The following ZFR variants were observed in gnomAD, a reference collection of about 807,000 sequenced individuals.
The protein encoded by ZFR is zinc finger RNA-binding protein.
A neutral mutation model predicts 130.7 loss-of-function variants in ZFR; 19 were observed. That is an observed-to-expected ratio of 0.15 (90% CI 0.10 to 0.21). The LOEUF (loss-of-function observed/expected upper bound fraction) is 0.21. Among genes scored for constraint, ZFR ranks in the 10% least tolerant of loss-of-function variants. The pLI, the probability that ZFR is intolerant of heterozygous loss-of-function variation, is 1.00. For synonymous variants in ZFR, 466 were observed against 456.9 expected, an observed-to-expected ratio of 1.02 and a Z score of -0.25; for missense variants, 872 against 1,321.5, an observed-to-expected ratio of 0.66 and a Z score of 5.27.
intron 5 of ZFR, among the ~76,000 whole-genome samples, chr5:32,414,158 G>A (rs1753771465): frequency 6.6e-6 from 1 of 152,130 alleles, no homozygotes; most frequent in African/African-American, 2.4e-5. Context: ...TTTACCCCAT[G>A]TATCCTGTAT....
At chr5:32,362,545 T>C (rs58679840) in intron 19 of ZFR, among the ~76,000 whole-genome samples, 3,145 of 152,272 alleles carry the variant, frequency 0.021, 119 homozygotes, top group African/African-American at 0.072. Flanking sequence ...CTATGCAATT[T>C]TATCACACAT....
intron 5 of ZFR, 111 bp from the exon 6 acceptor site, chr5:32,407,132 G>C: frequency 1.0e-6 from 1 of 995,824 alleles, no homozygotes; most frequent in Non-Finnish European, 1.4e-6. Flanking sequence ...ATTTACATGT[G>C]CATATTTACA....
chr5:32,437,453 A>G (rs539664085), intron 2 of ZFR, among the ~76,000 whole-genome samples: 1 of 152,246 alleles, frequency 6.6e-6, no homozygotes, highest in Non-Finnish European at 1.5e-5. Context: ...TTATCTCTGT[A>G]TGAATAAAAG....
chr5:32,436,441 G>A (rs184880729), intron 2 of ZFR, among the ~76,000 whole-genome samples: 5 of 152,080 alleles, frequency 3.3e-5, no homozygotes, highest in South Asian at 2.1e-4. Context: ...GTGAGCCACC[G>A]TGCCTGGCCC....
intron 2 of ZFR, among the ~76,000 whole-genome samples, chr5:32,431,717 G>GT (rs1754221711): frequency 6.9e-6 from 1 of 144,884 alleles, no homozygotes; most frequent in African/African-American, 2.6e-5. Flanking sequence ...GGCATTTTAT[G>GT]TATCTACGAA....
At chr5:32,425,617 T>C (rs1288520299) in intron 2 of ZFR, among the ~76,000 whole-genome samples, 1 of 152,154 alleles carries the variant, frequency 6.6e-6, no homozygotes, top group Non-Finnish European at 1.5e-5. Flanking sequence ...AACCTCCGCC[T>C]CCTAGGTCAA....
intron 11 of ZFR, among the ~76,000 whole-genome samples, chr5:32,391,228 T>C (rs967692118): frequency 6.6e-6 from 1 of 152,226 alleles, no homozygotes; most frequent in Non-Finnish European, 1.5e-5. Flanking sequence ...AGCCTATTAG[T>C]TGCTTAGTAA....
chr5:32,370,366 A>ACAGG (rs1561864095), intron 17 of ZFR, among the ~76,000 whole-genome samples: 2 of 150,326 alleles, frequency 1.3e-5, no homozygotes, highest in Admixed American at 6.6e-5. Flanking sequence ...AGACAGACAG[A>ACAGG]CAGGCAGGCA....
intron 2 of ZFR, among the ~76,000 whole-genome samples, chr5:32,428,781 C>G (rs182776794): frequency 9.2e-5 from 14 of 152,178 alleles, no homozygotes; most frequent in African/African-American, 3.4e-4. Context: ...GAGGGAGGCC[C>G]CGATTCTGTT....
intron 2 of ZFR, among the ~76,000 whole-genome samples, chr5:32,437,511 G>A (rs1229875308): frequency 6.6e-6 from 1 of 152,136 alleles, no homozygotes; most frequent in African/African-American, 2.4e-5. Flanking sequence ...GATATACTCA[G>A]AACAATCACT....
intron 15 of ZFR, among the ~76,000 whole-genome samples, chr5:32,380,663 T>G (rs1752916337): frequency 2.7e-5 from 4 of 147,322 alleles, no homozygotes; most frequent in Admixed American, 2.7e-4. Context: ...TTTTTTTTTT[T>G]TTTTTTTTTG....
At chr5:32,377,034 G>A (rs1276824366) in intron 17 of ZFR, among the ~76,000 whole-genome samples, 1 of 149,378 alleles carries the variant, frequency 6.7e-6, no homozygotes, top group Non-Finnish European at 1.5e-5. Flanking sequence ...GCAGGCGCCT[G>A]TAGTCCCAGC....
chr5:32,377,320 C>T (rs537267824), intron 17 of ZFR, among the ~76,000 whole-genome samples: 28 of 151,152 alleles, frequency 1.9e-4, no homozygotes, highest in African/African-American at 6.8e-4. Context: ...GCAACCTCTG[C>T]CTCCCAGGTT....
Position 32,419,931 on chromosome 5 carries a change from C to T in ZFR, c.310G>A (p.Ala104Thr). 1.2e-6 allele frequency: 2 copies of T among 1,613,936 alleles called. No individual in the cohort carries two copies. Among genetic ancestry groups the T allele is most frequent in the Admixed American group, 3.3e-5 (2 of 59,986 alleles). The change falls in exon 3 of 20, where the codon GCT (alanine) becomes ACT (threonine). Residue 104 changes from alanine (A) to threonine (T), a missense_variant. Physicochemically the swap from Ala to Thr is moderately conservative, Grantham distance 58. Transcript: ENST00000265069. ...GCAGTGGGGTAGCCTCCATAAGCAGCAGCTGTTGCAGCAGCTGCAACAGCT... is the reference window on the plus strand; with the variant it reads ...GCAGTGGGGTAGCCTCCATAAGCAGTAGCTGTTGCAGCAGCTGCAACAGCT... Reference protein sequence around the residue: ...PVAVAAAATAAAYGGYPTAHT... With the variant: ...PVAVAAAATATAYGGYPTAHT...
Position 32,368,153 on chromosome 5 carries a change from T to C in ZFR, c.2836-3878A>G, listed in dbSNP as rs562248953. Among the ~76,000 whole-genome samples the C allele has an allele frequency of 2.0e-5, 3 of 152,324 alleles. No homozygotes were observed. In the East Asian group the frequency reaches 5.8e-4, roughly 29 times the overall value. ...AATAAAACAAAGCCACCTGATGAGA[T>C]TTCAGTAACACAGGCACTTTCACTG... is the stretch of plus-strand genomic sequence containing the variant. On this transcript the variant is annotated intron_variant, in intron 17 of 19. Transcript: ENST00000265069.
At chr5:32,402,491 C>T (rs973172286) in intron 8 of ZFR, among the ~76,000 whole-genome samples, 2 of 151,698 alleles carry the variant, frequency 1.3e-5, no homozygotes, top group African/African-American at 2.4e-5. Flanking sequence ...CAGGGCCATG[C>T]GTTGTGGTGC....
intron 4 of ZFR, among the ~76,000 whole-genome samples, chr5:32,415,485 A>AGCGTGT (rs1554073590): frequency 7.3e-6 from 1 of 136,238 alleles, no homozygotes; most frequent in African/African-American, 2.8e-5. Context: ...TCTGAAAAGG[A>AGCGTGT]GTGTGTGTGT....
At chr5:32,398,261 A>C (rs1368730103) in intron 9 of ZFR, among the ~76,000 whole-genome samples, 1 of 152,210 alleles carries the variant, frequency 6.6e-6, no homozygotes, top group South Asian at 2.1e-4. Context: ...CTGCTGGCCA[A>C]GTATTGTTCT....
In ZFR at chr5:32,380,733, C is replaced by T. The variant is rs575189602; in HGVS notation, c.2642-561G>A. Reference sequence around the variant, plus strand: ...GCACGATCTCAGATCACTGCAACCTCGGCCTCCTGGGTTCAAGCGATTCTC... The same window carrying T: ...GCACGATCTCAGATCACTGCAACCTTGGCCTCCTGGGTTCAAGCGATTCTC... On this transcript the variant is annotated intron_variant, in intron 15 of 19. Coordinates refer to ENST00000265069, the MANE Select transcript of ZFR (RefSeq NM_016107.5). Among the ~76,000 whole-genome samples, 17 of 146,954 alleles carry T rather than the reference C, an allele frequency of 1.2e-4. No homozygotes were observed. The South Asian group carries it at 3.0e-3, about 26-fold the overall frequency.
Sources: allele counts gnomAD v4.1 joint callset (sites outside exome capture counted in the v4.1 genomes callset), GRCh38; gene constraint gnomAD v4.1.1; transcripts MANE v1.5; gene names NCBI Gene and HGNC (gene_info 2026-07-23, HGNC 2026-07-21).